The following KAZN variants were observed in gnomAD, a reference collection of about 807,000 sequenced individuals.
KAZN encodes the protein kazrin, periplakin interacting protein, also known as kazrin.
A neutral mutation model predicts 87.4 loss-of-function variants in KAZN; 40 were observed. The observed-to-expected ratio is 0.46, with a 90% CI of 0.36 to 0.60. The LOEUF (loss-of-function observed/expected upper bound fraction) is 0.60, where lower values mean the gene tolerates loss of function less well. Among genes scored for constraint, KAZN ranks in the 20% least tolerant of loss-of-function variants. The pLI, the probability that KAZN is intolerant of heterozygous loss-of-function variation, is 0.00. For missense variants in KAZN, 898 were observed against 1,073.9 expected (o/e 0.84, Z 2.29); for synonymous variants, 466 against 458.3 (o/e 1.02, Z -0.22).
At chr1:14,233,329 CT>C (rs1375268393) in intron 2 of KAZN, among the ~76,000 whole-genome samples, 1 of 152,062 alleles carries the variant, frequency 6.6e-6, no homozygotes, top group African/African-American at 2.4e-5. Context: ...TAGAGACAGT[CT>C]CACTATGTTC....
intron 1 of KAZN, among the ~76,000 whole-genome samples, chr1:14,035,516 G>A (rs1184455039): frequency 6.6e-6 from 1 of 150,718 alleles, no homozygotes; most frequent in Non-Finnish European, 1.5e-5. Context: ...CTGGAGTGCA[G>A]TTGTGTGATC....
intron 1 of KAZN, among the ~76,000 whole-genome samples, chr1:13,992,306 G>A (rs1192819236): frequency 1.3e-5 from 2 of 151,034 alleles, no homozygotes; most frequent in African/African-American, 2.4e-5. Context: ...TTTTTTTCTT[G>A]CTCACCAAAA....
intron 2 of KAZN, among the ~76,000 whole-genome samples, chr1:14,342,721 T>C (rs1418178196): frequency 6.6e-6 from 1 of 152,068 alleles, no homozygotes; most frequent in Non-Finnish European, 1.5e-5. Flanking sequence ...CCTTAAGAGA[T>C]GATGAGACAA....
chr1:14,590,363 G>A (rs564710762), intron 2 of KAZN, among the ~76,000 whole-genome samples: 30 of 152,306 alleles, frequency 2.0e-4, no homozygotes, highest in African/African-American at 6.3e-4. Context: ...TGCAGAGAGT[G>A]AAGGGGATTG....
At chr1:13,930,473 A>G (rs959860626) in intron 1 of KAZN, among the ~76,000 whole-genome samples, 1 of 152,178 alleles carries the variant, frequency 6.6e-6, no homozygotes, top group Non-Finnish European at 1.5e-5. Flanking sequence ...GATCCCTGAT[A>G]CAATGGAATC....
intron 2 of KAZN, among the ~76,000 whole-genome samples, chr1:14,564,409 A>G (rs1038153318): frequency 2.7e-4 from 41 of 152,156 alleles, no homozygotes; most frequent in African/African-American, 9.7e-4. Flanking sequence ...AGCACTGGGT[A>G]GGTTTTTTAA....
intron 1 of KAZN, among the ~76,000 whole-genome samples, chr1:14,085,439 C>G (rs552386188): frequency 1.3e-5 from 2 of 152,292 alleles, no homozygotes; most frequent in African/African-American, 2.4e-5. Context: ...CTCACCACCC[C>G]CTGACCACTG....
intron 1 of KAZN, among the ~76,000 whole-genome samples, chr1:14,618,487 A>G (rs1166076510): frequency 6.6e-6 from 1 of 152,260 alleles, no homozygotes; most frequent in East Asian, 1.9e-4. Flanking sequence ...GACAATGGCA[A>G]TGATGAAGAT....
chr1:14,169,328 C>T (rs1424783523), intron 1 of KAZN, among the ~76,000 whole-genome samples: 1 of 152,124 alleles, frequency 6.6e-6, no homozygotes, highest in Non-Finnish European at 1.5e-5. Flanking sequence ...CTTCCCTGCT[C>T]TTCTCTTGTT....
chr1:14,177,311 AG>A (rs1437364335), intron 1 of KAZN, among the ~76,000 whole-genome samples: 3 of 90,286 alleles, frequency 3.3e-5, no homozygotes, highest in African/African-American at 6.1e-5. Flanking sequence ...TTAAAAGATG[AG>A]AAAGAACATG....
At chr1:15,020,406 GA>G (rs1490953778) in intron 2 of KAZN, among the ~76,000 whole-genome samples, 1 of 152,130 alleles carries the variant, frequency 6.6e-6, no homozygotes, top group Non-Finnish European at 1.5e-5. Context: ...TCGCTTCCCA[GA>G]AGCCCTCCTG....
At chr1:14,415,153 C>A (rs1664645156) in intron 2 of KAZN, among the ~76,000 whole-genome samples, 3 of 152,106 alleles carry the variant, frequency 2.0e-5, no homozygotes, top group Admixed American at 2.0e-4. Flanking sequence ...TGAAATGTAG[C>A]AAGGTCGATG....
At chr1:14,207,453 T>C (rs550020894) in intron 2 of KAZN, among the ~76,000 whole-genome samples, 1 of 152,298 alleles carries the variant, frequency 6.6e-6, no homozygotes, top group East Asian at 1.9e-4. Context: ...TTTGCTGTGA[T>C]GATCAAAATA....
intron 2 of KAZN, among the ~76,000 whole-genome samples, chr1:14,278,009 G>A (rs150310234): frequency 6.6e-6 from 1 of 151,440 alleles, no homozygotes; most frequent in African/African-American, 2.4e-5. Context: ...AAACCTGACT[G>A]GTCTCATCAG....
At chr1:14,857,602 G>A (rs1427629725) in intron 1 of KAZN, among the ~76,000 whole-genome samples, 2 of 152,048 alleles carry the variant, frequency 1.3e-5, no homozygotes, top group Admixed American at 6.6e-5. Context: ...ATACTCTGAG[G>A]CCCAACTCAT....
intron 2 of KAZN, among the ~76,000 whole-genome samples, chr1:14,408,256 G>A (rs1002260934): frequency 6.6e-6 from 1 of 152,194 alleles, no homozygotes; most frequent in African/African-American, 2.4e-5. Flanking sequence ...TGAGCCAAGA[G>A]GGATGTATCT....
At chr1:14,546,728 C>A (rs752185340) in intron 2 of KAZN, among the ~76,000 whole-genome samples, 53 of 152,134 alleles carry the variant, frequency 3.5e-4, no homozygotes, top group Non-Finnish European at 6.2e-4. Context: ...TCTAAATAGA[C>A]TTTCCTAGGA....
chr1:14,717,472 T>C (rs1188007253), intron 1 of KAZN, among the ~76,000 whole-genome samples: 15 of 152,090 alleles, frequency 9.9e-5, no homozygotes, highest in Admixed American at 9.8e-4. Flanking sequence ...CCGGCATTCC[T>C]TGGCTGTGGC....
At chr1:14,254,590 T>C (rs965035140) in intron 2 of KAZN, among the ~76,000 whole-genome samples, 4 of 152,084 alleles carry the variant, frequency 2.6e-5, no homozygotes, top group African/African-American at 7.2e-5. Flanking sequence ...AATTATGATG[T>C]CCGCCCAGAA....
Sources: allele counts gnomAD v4.1 joint callset (sites outside exome capture counted in the v4.1 genomes callset), GRCh38; gene constraint gnomAD v4.1.1; transcripts MANE v1.5; gene names NCBI Gene and HGNC (gene_info 2026-07-23, HGNC 2026-07-21).